CELF4: variants seen among roughly 807,000 people sequenced by gnomAD.
CELF4 encodes CUGBP Elav-like family member 4.
In CELF4, 18 loss-of-function variants were observed where a neutral mutation model predicts 59.9. That is an observed-to-expected ratio of 0.30 (90% CI 0.21 to 0.45). The LOEUF (loss-of-function observed/expected upper bound fraction) is 0.45. Ranked by LOEUF, CELF4 falls within the 20% of genes least tolerant of loss-of-function variation. The pLI is 1.00. For synonymous variants in CELF4, 261 were observed against 267.1 expected, an observed-to-expected ratio of 0.98 and a Z score of 0.22; for missense variants, 456 against 689.0, an observed-to-expected ratio of 0.66 and a Z score of 3.79.
At chr18:37,257,784 C>G (rs911228956) in intron 11 of CELF4, among the ~76,000 whole-genome samples, 4 of 152,140 alleles carry the variant, frequency 2.6e-5, no homozygotes, top group African/African-American at 9.7e-5. Flanking sequence ...AGACTCAGCT[C>G]TGGTTCCATA....
At chr18:37,387,824 T>C (rs929372627) in intron 2 of CELF4, among the ~76,000 whole-genome samples, 7 of 152,160 alleles carry the variant, frequency 4.6e-5, no homozygotes, top group Admixed American at 2.0e-4. Context: ...GCCCACAGCA[T>C]CCCCAATCCT....
chr18:37,335,758 T>C (rs1331612126), intron 2 of CELF4, among the ~76,000 whole-genome samples: 4 of 152,064 alleles, frequency 2.6e-5, no homozygotes, highest in Non-Finnish European at 4.4e-5. Context: ...CCTTAGAGAC[T>C]CTGCCTGTGG....
intron 2 of CELF4, among the ~76,000 whole-genome samples, chr18:37,417,401 C>T (rs2154593178): frequency 6.6e-6 from 1 of 152,346 alleles, no homozygotes; most frequent in Non-Finnish European, 1.5e-5. Flanking sequence ...ACTTCTCCTG[C>T]CTACCAATTT....
chr18:37,562,304 G>A (rs1293268104), intron 1 of CELF4, among the ~76,000 whole-genome samples: 1 of 151,952 alleles, frequency 6.6e-6, no homozygotes, highest in African/African-American at 2.4e-5. Context: ...ATCTGAAATG[G>A]CAGGTGGCCA....
chr18:37,261,440 C>T (rs757653089), intron 10 of CELF4, among the ~76,000 whole-genome samples: 7 of 152,332 alleles, frequency 4.6e-5, no homozygotes, highest in Non-Finnish European at 7.3e-5. Context: ...CCCACATGCG[C>T]GGTGTGTGGC....
At chr18:37,454,266 AG>A (rs2099771989) in intron 2 of CELF4, among the ~76,000 whole-genome samples, 1 of 152,162 alleles carries the variant, frequency 6.6e-6, no homozygotes, top group Non-Finnish European at 1.5e-5. Flanking sequence ...GAGGTACGAG[AG>A]GATGCATCTC....
chr18:37,515,309 G>T (rs2099949428), intron 1 of CELF4, among the ~76,000 whole-genome samples: 1 of 152,072 alleles, frequency 6.6e-6, no homozygotes, highest in Non-Finnish European at 1.5e-5. Context: ...ATCCCTCCCT[G>T]GTGCAACAAG....
intron 3 of CELF4, among the ~76,000 whole-genome samples, chr18:37,309,790 C>T (rs1406481471): frequency 2.7e-5 from 4 of 150,892 alleles, no homozygotes; most frequent in African/African-American, 9.8e-5. Context: ...TGCTCTTCAG[C>T]CAAACCATTT....
At chr18:37,416,356 A>G (rs1279253626) in intron 2 of CELF4, among the ~76,000 whole-genome samples, 1 of 151,488 alleles carries the variant, frequency 6.6e-6, no homozygotes, top group African/African-American at 2.5e-5. Flanking sequence ...GTCAGAACCC[A>G]GCTCCTGGGT....
chr18:37,375,303 T>C (rs1437299838), intron 2 of CELF4, among the ~76,000 whole-genome samples: 1 of 152,208 alleles, frequency 6.6e-6, no homozygotes. Context: ...TGCTCAGTGA[T>C]GGGGTTGAAG....
At chr18:37,242,888 C>A (rs2154230223), downstream of CELF4, among the ~76,000 whole-genome samples, 1 of 152,318 alleles carries the variant, frequency 6.6e-6, no homozygotes, top group Admixed American at 6.5e-5. Context: ...GTTCCCATCA[C>A]CTCCCAGAAG....
rs552142671 is a variant in CELF4, at chr18:37,266,732, G to A, written c.1100-134C>T. On this transcript the variant is annotated intron_variant, in intron 8 of 12. Transcript: ENST00000420428. ...GGCTGTGCCCTGGGGCAGGGCATCC[G>A]AGACAGAAACCCTGAGTGCCTGGAC... 1.3e-5 allele frequency: 10 copies of A among 782,550 alleles called. No homozygotes were observed. In the East Asian group the frequency reaches 2.2e-4, roughly 17 times the overall value. The allele number at this position is 782,550 out of a possible 1,614,324, so 48.5% of individuals were successfully genotyped here. A position where few individuals can be genotyped will look rare whatever the true frequency, so the allele number is the denominator to read the frequency against.
rs201517577 is a variant in CELF4 at position 37,528,993 on chromosome 18, A to AT, written c.286+36362dup. 1.3e-4 allele frequency: 19 copies of AT among 151,950 alleles called. 1 individual carries two copies. The East Asian group carries it at 2.9e-3, about 23-fold the overall frequency. The allele number at this position is 151,950 out of a possible 1,614,324, so 9.4% of individuals were successfully genotyped here. A position where few individuals can be genotyped will look rare whatever the true frequency, so the allele number is the denominator to read the frequency against. ...ACTCTTAGCTCATTCCTTTATTATT[A>AT]TTTTTTTACCCCAAATTGCTACTTT... On this transcript the variant is annotated intron_variant, in intron 1 of 12. Transcript: ENST00000420428.
At chr18:37,430,063 C>G (rs187579401) in intron 2 of CELF4, among the ~76,000 whole-genome samples, 3 of 152,218 alleles carry the variant, frequency 2.0e-5, no homozygotes, top group Non-Finnish European at 2.9e-5. Flanking sequence ...AACAGTGCGG[C>G]TCTCACTGCC....
chr18:37,403,340 G>A lies in CELF4; in HGVS notation c.370-81459C>T, dbSNP rs187333617. On this transcript the variant is annotated intron_variant, in intron 2 of 12. Coordinates refer to ENST00000420428, the MANE Select transcript of CELF4 (RefSeq NM_020180.4). The stretch of plus-strand genomic sequence containing the variant: ...AGCAGCCGCTTCAAAGGGAGCCTGG[G>A]AGCGAAAGCCTCATTTAGCAAATGA... Among the ~76,000 whole-genome samples the A allele has an allele frequency of 5.5e-3, 840 of 152,244 alleles. 4 individuals are homozygous for A. The highest frequency in any genetic ancestry group is 0.019 in the African/African-American group (794 of 41,548).
chr18:37,314,310 C>G (rs1186464913), intron 3 of CELF4, among the ~76,000 whole-genome samples: 1 of 152,180 alleles, frequency 6.6e-6, no homozygotes, highest in Non-Finnish European at 1.5e-5. Flanking sequence ...CAAAAATTTG[C>G]TGGGCATGGT....
rs80044499 is a variant in CELF4, at chr18:37,381,153, T to C, written c.370-59272A>G. On this transcript the variant is annotated intron_variant, in intron 2 of 12. Coordinates refer to ENST00000420428, the MANE Select transcript of CELF4 (RefSeq NM_020180.4). ...ATCCATCCATCCATCCATCCATCCA[T>C]CCACCTACCATTCATCCACTCAACA... Among the ~76,000 whole-genome samples the C allele has an allele frequency of 5.6e-3, 842 of 150,232 alleles. 7 individuals are homozygous for C. The highest frequency in any genetic ancestry group is 0.02 in the African/African-American group (797 of 40,230).
chr18:37,274,993 A>C (rs951144481), intron 4 of CELF4, 109 bp from the exon 5 acceptor site: 16 of 1,537,096 alleles, frequency 1.0e-5, no homozygotes, highest in Non-Finnish European at 1.2e-5. Flanking sequence ...AGAGATTGAG[A>C]AAGAGACACC....
At chr18:37,261,487 G>A (rs954095114) in intron 10 of CELF4, among the ~76,000 whole-genome samples, 1 of 152,212 alleles carries the variant, frequency 6.6e-6, no homozygotes, top group African/African-American at 2.4e-5. Flanking sequence ...CAGGCCTGAC[G>A]AAGAAGCCAG....
Sources: allele counts gnomAD v4.1 joint callset (sites outside exome capture counted in the v4.1 genomes callset), GRCh38; gene constraint gnomAD v4.1.1; transcripts MANE v1.5; gene names NCBI Gene and HGNC (gene_info 2026-07-23, HGNC 2026-07-21).